DRC8: variants seen among roughly 807,000 people sequenced by gnomAD.
The protein encoded by DRC8 is dynein regulatory complex subunit 8, also known as dynein regulatory complex protein 8.
the DRC8 span, among the ~76,000 whole-genome samples, chr1:244,995,234 G>A: frequency 8.5e-5 from 13 of 152,070 alleles, no homozygotes; most frequent in East Asian, 2.1e-3. Flanking sequence ...GGTGGCAGGC[G>A]CCTGTAACCC....
chr1:244,995,458 A>G, the DRC8 span, among the ~76,000 whole-genome samples: 1 of 152,072 alleles, frequency 6.6e-6, no homozygotes, highest in East Asian at 1.9e-4. Flanking sequence ...CCTTGGGCTC[A>G]AGCGATTTTC....
chr1:245,024,838 C>A, the DRC8 span, among the ~76,000 whole-genome samples: 2 of 152,136 alleles, frequency 1.3e-5, no homozygotes, highest in Non-Finnish European at 2.9e-5. Flanking sequence ...GCCACCATGT[C>A]CAGCCTAATT....
the DRC8 span, among the ~76,000 whole-genome samples, chr1:245,040,863 A>G: frequency 6.6e-6 from 1 of 152,254 alleles, no homozygotes; most frequent in African/African-American, 2.4e-5. Context: ...AGAATATAGC[A>G]ATGAAAGCCA....
chr1:245,121,057 T>C, the DRC8 span, among the ~76,000 whole-genome samples: 6 of 152,376 alleles, frequency 3.9e-5, no homozygotes, highest in African/African-American at 1.2e-4. Context: ...GTCAACTACA[T>C]TTTTCTTAAG....
At chr1:245,059,640 A>T in the DRC8 span, among the ~76,000 whole-genome samples, 1 of 152,230 alleles carries the variant, frequency 6.6e-6, no homozygotes, top group African/African-American at 2.4e-5. Context: ...AATTGAGCAG[A>T]TCTTGAAGAA....
chr1:245,035,719 T>C, the DRC8 span, among the ~76,000 whole-genome samples: 4 of 151,796 alleles, frequency 2.6e-5, no homozygotes, highest in Non-Finnish European at 5.9e-5. Flanking sequence ...ATACAAAAAT[T>C]AGCTGGGCAC....
chr1:244,970,192 G>A, the DRC8 span: 4 of 723,626 alleles, frequency 5.5e-6, no homozygotes, highest in East Asian at 2.8e-5. Context: ...CCGGGTGGCA[G>A]ACGGGGCCTC....
At chr1:245,088,156 A>T in the DRC8 span, among the ~76,000 whole-genome samples, 3 of 152,234 alleles carry the variant, frequency 2.0e-5, no homozygotes, top group African/African-American at 4.8e-5. The surrounding 1 kb of genome is among the most constrained non-coding windows in gnomAD (Gnocchi z 4.6). Context: ...ACAAGCAGTC[A>T]CAATGGAAAA....
the DRC8 span, among the ~76,000 whole-genome samples, chr1:245,021,526 C>G: frequency 6.6e-6 from 1 of 152,098 alleles, no homozygotes; most frequent in Admixed American, 6.6e-5. Context: ...ACCTCTGCCT[C>G]CTGAGTTCAA....
At chr1:245,019,564 G>A in the DRC8 span, among the ~76,000 whole-genome samples, 1,125 of 152,106 alleles carry the variant, frequency 7.4e-3, 9 homozygotes, top group Middle Eastern at 0.014. Context: ...TAGTGACAGG[G>A]GTGTTGCTAT....
At chr1:245,012,901 A>G in the DRC8 span, among the ~76,000 whole-genome samples, 1 of 152,214 alleles carries the variant, frequency 6.6e-6, no homozygotes, top group African/African-American at 2.4e-5. Context: ...AGAGGCTAAT[A>G]GAGTGGCAAT....
At chr1:245,085,932 C>T in the DRC8 span, among the ~76,000 whole-genome samples, 1 of 152,266 alleles carries the variant, frequency 6.6e-6, no homozygotes, top group East Asian at 1.9e-4. Context: ...AGAGCTGAAT[C>T]CAAAGTACCA....
chr1:245,016,160 T>C, the DRC8 span, among the ~76,000 whole-genome samples: 3 of 152,046 alleles, frequency 2.0e-5, no homozygotes, highest in African/African-American at 7.2e-5. Flanking sequence ...TTTGTATTTT[T>C]AGTAGAGACA....
chr1:245,084,058 T>TC, the DRC8 span, among the ~76,000 whole-genome samples: 20 of 30,104 alleles, frequency 6.6e-4, 1 homozygote, highest in Non-Finnish European at 1.0e-3. Flanking sequence ...AATATAAAAA[T>TC]TCCGCCCCCC....
At chr1:245,098,659 TC>T in the DRC8 span, among the ~76,000 whole-genome samples, 181 of 152,332 alleles carry the variant, frequency 1.2e-3, no homozygotes, top group African/African-American at 4.0e-3. Flanking sequence ...GCCGCGTTTT[TC>T]AGTTGCTTTG....
chr1:245,016,064 C>A, the DRC8 span, among the ~76,000 whole-genome samples: 2 of 148,208 alleles, frequency 1.3e-5, no homozygotes, highest in African/African-American at 5.1e-5. Flanking sequence ...TCACTGCAAC[C>A]TCCGCCTCCC....
chr1:245,068,264 T>G, the DRC8 span, among the ~76,000 whole-genome samples: 3 of 152,224 alleles, frequency 2.0e-5, no homozygotes, highest in Non-Finnish European at 4.4e-5. Flanking sequence ...TACGGTTTTA[T>G]TCCAGATTTC....
chr1:245,021,335 TG>T, the DRC8 span, among the ~76,000 whole-genome samples: 1 of 152,216 alleles, frequency 6.6e-6, no homozygotes, highest in South Asian at 2.1e-4. Context: ...ACCACTATTG[TG>T]AGTGGACATT....
the DRC8 span, among the ~76,000 whole-genome samples, chr1:245,023,882 A>C: frequency 6.6e-6 from 1 of 152,150 alleles, no homozygotes; most frequent in African/African-American, 2.4e-5. Context: ...TTAATATATA[A>C]AAATTGGCTG....
Sources: allele counts gnomAD v4.1 joint callset (sites outside exome capture counted in the v4.1 genomes callset), GRCh38; gene constraint gnomAD v4.1.1; non-coding constraint Gnocchi (gnomAD v3.1); transcripts MANE v1.5; gene names NCBI Gene and HGNC (gene_info 2026-07-23, HGNC 2026-07-21).